Variants in SUPT3H observed in about 807,000 individuals in gnomAD.
The protein encoded by SUPT3H is SPT3 homolog, SAGA and STAGA complex component, also known as transcription initiation protein SPT3 homolog.
In SUPT3H, 44 loss-of-function variants were observed where a neutral mutation model predicts 44.3. The observed-to-expected ratio is 0.99, with a 90% CI of 0.78 to 1.28. The LOEUF is 1.28. SUPT3H is among the 50% of genes most tolerant of loss of function. The probability of loss-of-function intolerance (pLI) is 0.00; values close to 1 mark genes in which losing one functional copy is unlikely to be tolerated. For missense variants in SUPT3H, 380 were observed against 387.1 expected (o/e 0.98, Z 0.15); for synonymous variants, 124 against 125.6 (o/e 0.99, Z 0.09).
At chr6:45,242,400 C>T (rs986792711) in intron 2 of SUPT3H, among the ~76,000 whole-genome samples, 5 of 152,136 alleles carry the variant, frequency 3.3e-5, no homozygotes, top group African/African-American at 1.2e-4. Context: ...CCCCTTGAGG[C>T]TTTGGCTAAA....
At chr6:45,313,599 G>A (rs532445594) in intron 2 of SUPT3H, among the ~76,000 whole-genome samples, 1 of 149,498 alleles carries the variant, frequency 6.7e-6, no homozygotes, top group South Asian at 2.1e-4. Flanking sequence ...GGAAGAATTA[G>A]ATACCTTGAA....
intron 3 of SUPT3H, chr6:45,098,960 C>G: frequency 4.4e-6 from 2 of 453,450 alleles, no homozygotes; most frequent in East Asian, 1.3e-4. Context: ...AAGAACAGAT[C>G]ACAGACTCTG....
intron 2 of SUPT3H, among the ~76,000 whole-genome samples, chr6:45,176,429 C>A (rs1185737113): frequency 6.6e-6 from 1 of 152,138 alleles, no homozygotes; most frequent in African/African-American, 2.4e-5. Flanking sequence ...GTCCTACGCC[C>A]ACGGAGTCTC....
chr6:44,930,250 G>A (rs956589766), intron 10 of SUPT3H, among the ~76,000 whole-genome samples: 1 of 152,130 alleles, frequency 6.6e-6, no homozygotes, highest in African/African-American at 2.4e-5. Flanking sequence ...GCGTGATGGC[G>A]GGTGCCTGTA....
At chr6:45,062,047 C>A in intron 3 of SUPT3H, among the ~76,000 whole-genome samples, 1 of 151,444 alleles carries the variant, frequency 6.6e-6, no homozygotes, top group East Asian at 1.9e-4. Context: ...AGACATTATC[C>A]AGTATCAATT....
At chr6:44,840,934 A>G (rs1770833304) in intron 10 of SUPT3H, among the ~76,000 whole-genome samples, 1 of 152,208 alleles carries the variant, frequency 6.6e-6, no homozygotes, top group African/African-American at 2.4e-5. Flanking sequence ...TAAGGTTGCA[A>G]TACCTTAAAA....
intron 9 of SUPT3H, among the ~76,000 whole-genome samples, chr6:44,942,063 G>T (rs1487405033): frequency 6.6e-6 from 1 of 151,846 alleles, no homozygotes; most frequent in African/African-American, 2.4e-5. Context: ...TTTTCAACAG[G>T]ATCGGGAAGA....
At chr6:44,949,315 A>T (rs1006360901) in intron 9 of SUPT3H, among the ~76,000 whole-genome samples, 2 of 152,142 alleles carry the variant, frequency 1.3e-5, no homozygotes, top group Admixed American at 6.5e-5. Context: ...GGTGTAGCAC[A>T]CCAACATGGC....
chr6:45,061,489 G>A (rs1439638280), intron 3 of SUPT3H, among the ~76,000 whole-genome samples: 2 of 152,110 alleles, frequency 1.3e-5, no homozygotes, highest in African/African-American at 2.4e-5. Context: ...GCTAATGCAT[G>A]CTGGGCTTAA....
chr6:45,111,946 A>G (rs1198769725), intron 2 of SUPT3H, among the ~76,000 whole-genome samples: 3 of 152,060 alleles, frequency 2.0e-5, no homozygotes, highest in Non-Finnish European at 2.9e-5. Context: ...TCTGGCCGTC[A>G]GCTACAAAGT....
chr6:44,923,694 T>C (rs1300159311), intron 10 of SUPT3H, among the ~76,000 whole-genome samples: 2 of 151,752 alleles, frequency 1.3e-5, no homozygotes, highest in Non-Finnish European at 2.9e-5. Context: ...AATACCAGGA[T>C]TTTTCAAAAC....
chr6:45,322,872 G>A, intron 2 of SUPT3H: 1 of 1,610,698 alleles, frequency 6.2e-7, no homozygotes, highest in Non-Finnish European at 8.5e-7. Flanking sequence ...GAGAGCCTCT[G>A]TCTCACCTGT....
chr6:45,037,305 A>G (rs79976529), intron 3 of SUPT3H, among the ~76,000 whole-genome samples: 1 of 150,472 alleles, frequency 6.6e-6, no homozygotes, highest in Non-Finnish European at 1.5e-5. Context: ...AAAGATGCAG[A>G]AAAAAAAAGA....
intron 1 of SUPT3H, among the ~76,000 whole-genome samples, chr6:45,372,237 T>C (rs1280151907): frequency 6.6e-6 from 1 of 152,210 alleles, no homozygotes; most frequent in Non-Finnish European, 1.5e-5. Flanking sequence ...ATCTCTAAAA[T>C]GGAGATTAAA....
intron 2 of SUPT3H, among the ~76,000 whole-genome samples, chr6:45,282,525 A>C (rs1778342456): frequency 6.6e-6 from 1 of 152,214 alleles, no homozygotes; most frequent in South Asian, 2.1e-4. Context: ...GTGAGAAGAG[A>C]AGTTTCGAAA....
At chr6:45,245,112 T>C (rs1465160838) in intron 2 of SUPT3H, among the ~76,000 whole-genome samples, 1 of 152,158 alleles carries the variant, frequency 6.6e-6, no homozygotes, top group Admixed American at 6.5e-5. Flanking sequence ...AAATATTTTC[T>C]ACAAGTTTTT....
At chr6:45,044,629 T>C (rs1301566053) in intron 3 of SUPT3H, among the ~76,000 whole-genome samples, 2 of 152,292 alleles carry the variant, frequency 1.3e-5, no homozygotes, top group East Asian at 3.9e-4. Flanking sequence ...TACTTTAAAA[T>C]TTTACTGCTA....
intron 2 of SUPT3H, among the ~76,000 whole-genome samples, chr6:45,344,035 G>A (rs1790356163): frequency 6.6e-6 from 1 of 151,940 alleles, no homozygotes; most frequent in African/African-American, 2.4e-5. Context: ...ACTACTAATT[G>A]AATAAAACAG....
chr6:44,986,022 A>G (rs1303045778), intron 6 of SUPT3H, among the ~76,000 whole-genome samples: 2 of 152,194 alleles, frequency 1.3e-5, no homozygotes, highest in Non-Finnish European at 2.9e-5. Context: ...TTTGTAAACC[A>G]AGTATGATAA....
Sources: gnomAD v4.1 joint callset for allele counts (sites outside exome capture counted in the v4.1 genomes callset) on GRCh38, gnomAD v4.1.1 for gene constraint, MANE v1.5 for transcripts, NCBI Gene and HGNC (gene_info 2026-07-23, HGNC 2026-07-21) for gene names.